Variants in LINGO2 observed in about 807,000 individuals in gnomAD.
LINGO2 encodes the protein leucine rich repeat and Ig domain containing 2.
Under a neutral mutation model 30.6 loss-of-function variants are expected in LINGO2, and 14 were observed. That is an observed-to-expected ratio of 0.46 (90% CI 0.30 to 0.72). The LOEUF (loss-of-function observed/expected upper bound fraction) is 0.72, where lower values mean the gene tolerates loss of function less well. Among genes scored for constraint, LINGO2 ranks in the 30% least tolerant of loss-of-function variants. LINGO2 has a pLI of 0.07. For synonymous variants in LINGO2, 317 were observed against 288.5 expected, an observed-to-expected ratio of 1.10 and a Z score of -1.00; for missense variants, 729 against 751.7, an observed-to-expected ratio of 0.97 and a Z score of 0.35.
chr9:28,396,940 CAAT>C (rs1294482545), intron 2 of LINGO2, among the ~76,000 whole-genome samples: 1 of 152,048 alleles, frequency 6.6e-6, no homozygotes, highest in Admixed American at 6.6e-5. Flanking sequence ...TAGAAAACCA[CAAT>C]GATTCACTAT....
intron 1 of LINGO2, among the ~76,000 whole-genome samples, chr9:28,665,766 A>G (rs1175186601): frequency 6.6e-6 from 1 of 152,154 alleles, no homozygotes; most frequent in East Asian, 1.9e-4. Context: ...AAAATGATTC[A>G]TATCATTCAG....
At chr9:28,960,173 T>A in the LINGO2 span, among the ~76,000 whole-genome samples, 1 of 152,088 alleles carries the variant, frequency 6.6e-6, no homozygotes, top group African/African-American at 2.4e-5. Context: ...TAGTTTTAAT[T>A]AAAAAAGATA....
chr9:28,282,895 G>A (rs1168943600), intron 4 of LINGO2, among the ~76,000 whole-genome samples: 1 of 152,076 alleles, frequency 6.6e-6, no homozygotes, highest in African/African-American at 2.4e-5. Flanking sequence ...TATTTGTACT[G>A]TAAGTCCCAG....
intron 4 of LINGO2, among the ~76,000 whole-genome samples, chr9:28,137,676 C>T (rs889019734): frequency 3.3e-5 from 5 of 151,812 alleles, no homozygotes; most frequent in Non-Finnish European, 7.4e-5. Flanking sequence ...TTTCTGAAGT[C>T]TGATGTATTC....
intron 3 of LINGO2, among the ~76,000 whole-genome samples, chr9:28,350,640 C>G (rs1348017063): frequency 6.6e-6 from 1 of 151,376 alleles, no homozygotes; most frequent in African/African-American, 2.4e-5. Context: ...CAGCTCTGCA[C>G]CAAGCGGACC....
At chr9:28,340,066 A>G (rs1825717246) in intron 3 of LINGO2, among the ~76,000 whole-genome samples, 1 of 152,142 alleles carries the variant, frequency 6.6e-6, no homozygotes, top group South Asian at 2.1e-4. Context: ...CAAATACTGT[A>G]TATATACTAT....
the LINGO2 span, among the ~76,000 whole-genome samples, chr9:29,066,594 T>G: frequency 6.6e-6 from 1 of 151,886 alleles, no homozygotes; most frequent in Non-Finnish European, 1.5e-5. Flanking sequence ...AAAGTCACAA[T>G]GGTAAAATGC....
the LINGO2 span, among the ~76,000 whole-genome samples, chr9:29,099,969 TG>T: frequency 6.6e-6 from 1 of 152,172 alleles, no homozygotes; most frequent in African/African-American, 2.4e-5. Context: ...AGCCAAGATT[TG>T]GAAGCAACCT....
intron 2 of LINGO2, among the ~76,000 whole-genome samples, chr9:28,454,393 G>T (rs1400589917): frequency 6.6e-6 from 1 of 151,806 alleles, no homozygotes; most frequent in South Asian, 2.1e-4. Flanking sequence ...CCTTCAAACA[G>T]TGAACTCAAA....
intron 1 of LINGO2, among the ~76,000 whole-genome samples, chr9:28,547,327 T>C (rs1369896481): frequency 6.6e-6 from 1 of 152,136 alleles, no homozygotes; most frequent in Admixed American, 6.5e-5. Flanking sequence ...GAAGTCTTAG[T>C]AATGTGATTT....
chr9:29,110,572 T>G, the LINGO2 span, among the ~76,000 whole-genome samples: 1 of 152,090 alleles, frequency 6.6e-6, no homozygotes, highest in Non-Finnish European at 1.5e-5. Context: ...GACCTCGTGA[T>G]CCGCCCGCCT....
At chr9:29,049,472 A>T in the LINGO2 span, among the ~76,000 whole-genome samples, 2 of 152,190 alleles carry the variant, frequency 1.3e-5, no homozygotes, top group African/African-American at 4.8e-5. Flanking sequence ...AATAAAGGAA[A>T]TCAATATACC....
At chr9:28,347,726 AC>A (rs1488935493) in intron 3 of LINGO2, among the ~76,000 whole-genome samples, 1 of 152,184 alleles carries the variant, frequency 6.6e-6, no homozygotes, top group Non-Finnish European at 1.5e-5. Context: ...CTAGGGTATT[AC>A]CCAGGCGTCA....
chr9:28,001,389 G>A (rs1821945509), intron 5 of LINGO2, among the ~76,000 whole-genome samples: 2 of 138,436 alleles, frequency 1.4e-5, no homozygotes, highest in Non-Finnish European at 3.1e-5. Context: ...AGATGTTAGG[G>A]ACTATCACAA....
chr9:28,576,462 T>G lies in LINGO2; in HGVS notation c.-365+93738A>C, dbSNP rs561710262. ...AACATAAATACTAATTTACAAGTAA[T>G]GTAATTTTGAATAAAGATCATGTAC... On this transcript the variant is annotated intron_variant, in intron 1 of 5. Coordinates refer to ENST00000379992, the Ensembl canonical transcript of LINGO2. 1.1e-4 allele frequency among the ~76,000 whole-genome samples: 17 copies of G among 152,314 alleles called. No homozygotes were observed. In the South Asian group the frequency reaches 2.3e-3, roughly 20 times the overall value.
At chr9:28,598,240 C>T (rs1232142249) in intron 1 of LINGO2, among the ~76,000 whole-genome samples, 2 of 151,878 alleles carry the variant, frequency 1.3e-5, no homozygotes, top group East Asian at 1.9e-4. Context: ...CAAATACTAA[C>T]AACATCAAAA....
the LINGO2 span, among the ~76,000 whole-genome samples, chr9:28,801,839 A>G: frequency 6.6e-6 from 1 of 152,120 alleles, no homozygotes; most frequent in Non-Finnish European, 1.5e-5. Context: ...ATTAAAATTA[A>G]TGCTACATAT....
intron 1 of LINGO2, among the ~76,000 whole-genome samples, chr9:28,641,801 G>A (rs1827599577): frequency 6.6e-6 from 1 of 152,184 alleles, no homozygotes; most frequent in Non-Finnish European, 1.5e-5. Flanking sequence ...GTCATTGGCA[G>A]TGGAGAGAAG....
At chr9:29,004,269 A>T in the LINGO2 span, among the ~76,000 whole-genome samples, 2 of 151,962 alleles carry the variant, frequency 1.3e-5, no homozygotes, top group Non-Finnish European at 2.9e-5. Context: ...TTTAATAAAA[A>T]TACTTTTAGC....
Sources: gnomAD v4.1 joint callset for allele counts (sites outside exome capture counted in the v4.1 genomes callset) on GRCh38, gnomAD v4.1.1 for gene constraint, MANE v1.5 for transcripts, NCBI Gene and HGNC (gene_info 2026-07-23, HGNC 2026-07-21) for gene names.